SIL1: variants seen among roughly 807,000 people sequenced by gnomAD.
The protein encoded by SIL1 is nucleotide exchange factor SIL1.
Under a neutral mutation model 49.1 loss-of-function variants are expected in SIL1, and 40 were observed. That is an observed-to-expected ratio of 0.81 (90% CI 0.63 to 1.06). The LOEUF is 1.06. SIL1 is among the 50% of genes least tolerant of loss of function. SIL1 has a pLI of 0.00. For synonymous variants in SIL1, 253 were observed against 250.8 expected, an observed-to-expected ratio of 1.01 and a Z score of -0.08; for missense variants, 500 against 572.6, an observed-to-expected ratio of 0.87 and a Z score of 1.29.
chr5:139,169,873 GGTCTCCCTCTCCCTCTCTCTCCACA>G (rs1172674697), intron 1 of SIL1, among the ~76,000 whole-genome samples: 6 of 150,962 alleles, frequency 4.0e-5, no homozygotes, highest in African/African-American at 1.2e-4. Context: ...CTCTTTCCAC[GGTCTCCCTCTCCCTCTCTCTCCACA>G]GTCTCCCTCT....
chr5:139,120,974 A>C (rs1750616238), intron 3 of SIL1, 61 bp downstream of exon 3: 1 of 1,606,502 alleles, frequency 6.2e-7, no homozygotes, highest in African/African-American at 1.3e-5. Flanking sequence ...CTCTGGGGAC[A>C]AAGGACATAT....
At chr5:139,061,481 C>T (rs113806033) in intron 3 of SIL1, among the ~76,000 whole-genome samples, 44 of 152,344 alleles carry the variant, frequency 2.9e-4, no homozygotes, top group African/African-American at 8.7e-4. Context: ...CTGGCCATGC[C>T]GCAAGCCCTG....
chr5:139,186,232 G>T (rs987007955), intron 1 of SIL1, among the ~76,000 whole-genome samples: 2 of 152,138 alleles, frequency 1.3e-5, no homozygotes, highest in Admixed American at 1.3e-4. Context: ...GGAGGATAAA[G>T]CCCAGACCAT....
rs566153869 is a variant in SIL1, at chr5:138,964,634, A to G, written c.768-12750T>C. Among the ~76,000 whole-genome samples, 5 of 152,362 alleles carry G rather than the reference A, an allele frequency of 3.3e-5. No individual in the cohort carries two copies. In the South Asian group the frequency reaches 1.0e-3, roughly 32 times the overall value. On this transcript the variant is annotated intron_variant, in intron 7 of 9. Transcript: ENST00000394817. Reference sequence around the variant, plus strand: ...ATACCAAAGAAAAAGTTACACTCGTAAAATAGTTAATGTCAAAACGTAAAT... The same window carrying G: ...ATACCAAAGAAAAAGTTACACTCGTGAAATAGTTAATGTCAAAACGTAAAT...
intron 1 of SIL1, among the ~76,000 whole-genome samples, chr5:139,195,089 C>T (rs866546971): frequency 6.6e-6 from 1 of 152,054 alleles, no homozygotes. Context: ...TGCGCCACCA[C>T]GCCCGGCTAA....
Position 138,947,082 on chromosome 5 carries a change from C to A in SIL1, c.*35G>T, listed in dbSNP as rs1249661944. 6.4e-7 allele frequency: 1 copy of A among 1,555,762 alleles called. No homozygotes were observed. Among genetic ancestry groups the A allele is most frequent in the Admixed American group, 1.7e-5 (1 of 57,914 alleles). Reference sequence around the variant, plus strand: ...CCCACGCTGGCACCCCTCAGCCTCACTAGCGGCATCCCAGTCCAGTCCTGG... The same window carrying A: ...CCCACGCTGGCACCCCTCAGCCTCAATAGCGGCATCCCAGTCCAGTCCTGG... On this transcript the variant is annotated 3_prime_UTR_variant, in exon 10 of 10. Coordinates refer to ENST00000394817, the MANE Select transcript of SIL1 (RefSeq NM_022464.5). This position sits in a 1 kb window ranked among gnomAD's most constrained non-coding sequence, Gnocchi z 4.1.
chr5:139,143,324 C>CATAT (rs1561878684), intron 1 of SIL1, among the ~76,000 whole-genome samples: 20 of 121,336 alleles, frequency 1.6e-4, no homozygotes, highest in African/African-American at 6.5e-4. Context: ...CACACACACA[C>CATAT]ACACACACAC....
At chr5:139,050,505 A>G (rs1769262476) in intron 4 of SIL1, among the ~76,000 whole-genome samples, 1 of 152,228 alleles carries the variant, frequency 6.6e-6, no homozygotes, top group African/African-American at 2.4e-5. Flanking sequence ...AATACTGACT[A>G]ATGAGAGGAA....
At chr5:139,115,112 C>G (rs558339123) in intron 3 of SIL1, among the ~76,000 whole-genome samples, 1 of 151,866 alleles carries the variant, frequency 6.6e-6, no homozygotes, top group East Asian at 1.9e-4. Flanking sequence ...TGAGAAGACC[C>G]GTAAGGAAGA....
chr5:138,995,871 T>G (rs982236838), intron 7 of SIL1, among the ~76,000 whole-genome samples: 1 of 152,238 alleles, frequency 6.6e-6, no homozygotes, highest in African/African-American at 2.4e-5. Flanking sequence ...ATTCCCTCCA[T>G]GTTGCTGCAT....
chr5:139,148,964 C>T (rs1413640422), intron 1 of SIL1, among the ~76,000 whole-genome samples: 2 of 152,166 alleles, frequency 1.3e-5, no homozygotes, highest in Non-Finnish European at 2.9e-5. Flanking sequence ...ACTGCAGCCC[C>T]TGGTAATGCC....
At chr5:139,130,589 T>C (rs1235613911) in intron 1 of SIL1, among the ~76,000 whole-genome samples, 1 of 152,130 alleles carries the variant, frequency 6.6e-6, no homozygotes, top group Non-Finnish European at 1.5e-5. Context: ...GAAAGCTAAA[T>C]ATAGAATTAA....
At chr5:139,077,413 A>T (rs1264676858) in intron 3 of SIL1, among the ~76,000 whole-genome samples, 1 of 152,222 alleles carries the variant, frequency 6.6e-6, no homozygotes, top group East Asian at 1.9e-4. Context: ...CCAAGCCAAG[A>T]TTTTCTTGTT....
chr5:139,143,338 C>CATATATATATATAT (rs1251442889), intron 1 of SIL1, among the ~76,000 whole-genome samples: 63 of 84,180 alleles, frequency 7.5e-4, no homozygotes, highest in Non-Finnish European at 1.1e-3. Context: ...CACACACACA[C>CATATATATATATAT]ACACACATAT....
At chr5:139,065,214 C>T (rs1449261620) in intron 3 of SIL1, among the ~76,000 whole-genome samples, 1 of 152,132 alleles carries the variant, frequency 6.6e-6, no homozygotes, top group Non-Finnish European at 1.5e-5. Context: ...GCTGTTTAAA[C>T]TTAGCCTGTA....
chr5:139,163,613 G>A (rs571686669), intron 1 of SIL1, among the ~76,000 whole-genome samples: 16 of 152,040 alleles, frequency 1.1e-4, no homozygotes, highest in East Asian at 7.8e-4. Context: ...CAAGTGATCC[G>A]CCCGTCTCGG....
chr5:138,972,713 A>T (rs1767305966), intron 7 of SIL1, among the ~76,000 whole-genome samples: 1 of 152,250 alleles, frequency 6.6e-6, no homozygotes, highest in South Asian at 2.1e-4. Flanking sequence ...AATCCCAGAG[A>T]AACAGTTCAA....
At chr5:139,027,987 G>A (rs763224671) in intron 5 of SIL1, among the ~76,000 whole-genome samples, 29 of 152,074 alleles carry the variant, frequency 1.9e-4, no homozygotes, top group Non-Finnish European at 3.5e-4. Flanking sequence ...TCCATGGGGC[G>A]CCACATCCTG....
chr5:139,163,503 G>C (rs949137749), intron 1 of SIL1, among the ~76,000 whole-genome samples: 1 of 151,920 alleles, frequency 6.6e-6, no homozygotes, highest in Non-Finnish European at 1.5e-5. Context: ...CTGAGTAGCT[G>C]GGATTACAGG....
Sources: gnomAD v4.1 joint callset for allele counts (sites outside exome capture counted in the v4.1 genomes callset) on GRCh38, gnomAD v4.1.1 for gene constraint, Gnocchi (gnomAD v3.1) non-coding constraint, MANE v1.5 for transcripts, NCBI Gene and HGNC (gene_info 2026-07-23, HGNC 2026-07-21) for gene names.